Variants in DAB1 observed in about 807,000 individuals in gnomAD.
DAB1 encodes the protein DAB adaptor protein 1, also known as disabled homolog 1.
Under a neutral mutation model 64.6 loss-of-function variants are expected in DAB1, and 15 were observed. That is an observed-to-expected ratio of 0.23 (90% CI 0.16 to 0.36). DAB1 has a LOEUF of 0.36. Ranked by LOEUF, DAB1 falls within the 10% of genes least tolerant of loss-of-function variation. DAB1 has a pLI of 1.00. For synonymous variants in DAB1, 235 were observed against 251.9 expected (o/e 0.93, Z 0.64); for missense variants, 596 against 706.7 (o/e 0.84, Z 1.78).
chr1:58,009,236 G>T (rs1014912330), intron 5 of DAB1, among the ~76,000 whole-genome samples: 17 of 152,120 alleles, frequency 1.1e-4, no homozygotes, highest in Non-Finnish European at 2.1e-4. Flanking sequence ...GAAAGTGGAA[G>T]AATCCAGTCC....
intron 2 of DAB1, among the ~76,000 whole-genome samples, chr1:57,287,831 G>C (rs1453633940): frequency 8.7e-6 from 1 of 115,580 alleles, no homozygotes; most frequent in Non-Finnish European, 1.8e-5. Flanking sequence ...AGTCTCATTT[G>C]GTCACCCAGG....
At chr1:58,177,534 G>A (rs1656551480) in intron 4 of DAB1, among the ~76,000 whole-genome samples, 1 of 152,144 alleles carries the variant, frequency 6.6e-6, no homozygotes, top group African/African-American at 2.4e-5. Context: ...TTATGTACAG[G>A]GAATTGCTTG....
At chr1:57,909,140 T>G (rs1219682516) in intron 5 of DAB1, among the ~76,000 whole-genome samples, 1 of 152,182 alleles carries the variant, frequency 6.6e-6, no homozygotes, top group African/African-American at 2.4e-5. Context: ...GCTAGAATAG[T>G]ACAAAACAAG....
At chr1:57,817,041 A>G (rs1292604089) in intron 6 of DAB1, among the ~76,000 whole-genome samples, 1 of 152,200 alleles carries the variant, frequency 6.6e-6, no homozygotes, top group Non-Finnish European at 1.5e-5. Flanking sequence ...TTACTCAGCT[A>G]TACCTGAATT....
intron 3 of DAB1, among the ~76,000 whole-genome samples, chr1:58,344,635 G>A (rs573314837): frequency 6.6e-6 from 1 of 152,314 alleles, no homozygotes; most frequent in Admixed American, 6.5e-5. Flanking sequence ...TGCATATCAA[G>A]AAGAAACATA....
chr1:57,401,062 C>A lies in DAB1; in HGVS notation c.-137+22868G>T, dbSNP rs1054854701. Among the ~76,000 whole-genome samples the A allele has an allele frequency of 2.0e-5, 3 of 150,452 alleles. No homozygotes were observed. In the South Asian group the frequency reaches 6.3e-4, roughly 31 times the overall value. The stretch of plus-strand genomic sequence containing the variant: ...CCATATTTTGACATGATTAGTAGCA[C>A]AGCACGGTCCTACCATAAGGTGCTA... On this transcript the variant is annotated intron_variant, in intron 1 of 14. Transcript: ENST00000371236.
chr1:58,451,372 C>T (rs183047423), intron 3 of DAB1, among the ~76,000 whole-genome samples: 8 of 152,290 alleles, frequency 5.3e-5, no homozygotes, highest in Non-Finnish European at 1.0e-4. Flanking sequence ...GGGTTACAGG[C>T]GTGAGCCACT....
At chr1:57,969,724 A>G (rs1158990906) in intron 5 of DAB1, among the ~76,000 whole-genome samples, 2 of 152,296 alleles carry the variant, frequency 1.3e-5, no homozygotes, top group African/African-American at 2.4e-5. Context: ...GATTCTTGCA[A>G]TCAAATCAAC....
At position 57,439,418 on chromosome 1, in the gene DAB1, G is replaced by GTTTTTTTTTTTTTTTTTTTTTTTTTTTT; in HGVS notation, n.626-148253_626-148252insAAAAAAAAAAAAAAAAAAAAAAAAAAAA. 7.7e-4 allele frequency among the ~76,000 whole-genome samples: 89 copies of GTTTTTTTTTTTTTTTTTTTTTTTTTTTT among 116,094 alleles called. 12 individuals are homozygous for GTTTTTTTTTTTTTTTTTTTTTTTTTTTT. The highest frequency in any genetic ancestry group is 2.1e-3 in the East Asian group (7 of 3,294). 76.2% of individuals were successfully genotyped at this position (116,094 alleles called of 152,430 possible). On this transcript the variant is annotated intron_variant and non_coding_transcript_variant, in intron 7 of 20. Transcript: ENST00000485760. The stretch of plus-strand genomic sequence containing the variant: ...GCCATGCCATCAACTTGGTGATGAG[G>GTTTTTTTTTTTTTTTTTTTTTTTTTTTT]TTTTTTCTTTTTTTTTTTTTTTTTT...
intron 3 of DAB1, chr1:58,462,935 T>C (rs41286870): frequency 6.6e-6 from 1 of 152,320 alleles, no homozygotes; most frequent in Non-Finnish European, 1.5e-5. Context: ...TGTTATAACC[T>C]CAGCTTCCTT....
At chr1:58,187,687 C>A (rs55910816) in intron 4 of DAB1, among the ~76,000 whole-genome samples, 3 of 151,070 alleles carry the variant, frequency 2.0e-5, no homozygotes, top group African/African-American at 7.3e-5. Flanking sequence ...TCAAGCAATT[C>A]TCATGCCTTA....
chr1:57,991,845 C>CAAAAAAAAA (rs56324635), intron 5 of DAB1, among the ~76,000 whole-genome samples: 1 of 60,144 alleles, frequency 1.7e-5, no homozygotes, highest in Non-Finnish European at 2.8e-5. Context: ...GGCTCTGTCT[C>CAAAAAAAAA]AAAAAAAAAA....
chr1:58,447,952 T>A (rs751755498), intron 3 of DAB1, among the ~76,000 whole-genome samples: 55 of 151,266 alleles, frequency 3.6e-4, no homozygotes, highest in Admixed American at 5.9e-4. Context: ...CAGAACCAGG[T>A]TTTCTCATTA....
At chr1:56,999,051 C>T (rs1570452380) in intron 14 of DAB1, among the ~76,000 whole-genome samples, 2 of 152,262 alleles carry the variant, frequency 1.3e-5, no homozygotes, top group East Asian at 3.9e-4. Flanking sequence ...TAAACGGGCA[C>T]AATGAAATCC....
At chr1:58,043,375 C>G (rs559760297) in intron 5 of DAB1, among the ~76,000 whole-genome samples, 1 of 152,190 alleles carries the variant, frequency 6.6e-6, no homozygotes, top group South Asian at 2.1e-4. Context: ...TCTTTCACTT[C>G]TAGTAGAATT....
intron 2 of DAB1, among the ~76,000 whole-genome samples, chr1:57,275,698 G>A (rs1671404351): frequency 6.6e-6 from 1 of 152,146 alleles, no homozygotes; most frequent in Non-Finnish European, 1.5e-5. Context: ...CCATTCATTG[G>A]CAAATCTTAA....
chr1:57,485,550 T>C (rs1644079952), intron 7 of DAB1, among the ~76,000 whole-genome samples: 1 of 152,218 alleles, frequency 6.6e-6, no homozygotes, highest in Non-Finnish European at 1.5e-5. Context: ...TATCCTGCTC[T>C]GAGCTCCAGC....
intron 7 of DAB1, among the ~76,000 whole-genome samples, chr1:57,636,382 T>C (rs941546573): frequency 2.0e-5 from 3 of 152,178 alleles, no homozygotes; most frequent in African/African-American, 4.8e-5. Flanking sequence ...CCAAGCAGAC[T>C]GGTACACCAT....
chr1:58,070,374 G>T (rs957046176), intron 5 of DAB1, among the ~76,000 whole-genome samples: 3 of 152,204 alleles, frequency 2.0e-5, no homozygotes, highest in Non-Finnish European at 4.4e-5. Flanking sequence ...ACATGGATTT[G>T]CTGGTTTGGT....
Sources: gnomAD v4.1 joint callset for allele counts (sites outside exome capture counted in the v4.1 genomes callset) on GRCh38, gnomAD v4.1.1 for gene constraint, MANE v1.5 for transcripts, NCBI Gene and HGNC (gene_info 2026-07-23, HGNC 2026-07-21) for gene names.